CHRNB3: variants seen among roughly 807,000 people sequenced by gnomAD.
The protein encoded by CHRNB3 is cholinergic receptor nicotinic beta 3 subunit.
A neutral mutation model predicts 40.6 loss-of-function variants in CHRNB3; 37 were observed. The ratio of observed to expected loss-of-function variants is 0.91; its 90% confidence interval spans 0.70 to 1.20. The LOEUF (loss-of-function observed/expected upper bound fraction) is 1.20, where lower values mean the gene tolerates loss of function less well. CHRNB3 is among the 50% of genes most tolerant of loss of function. The probability of loss-of-function intolerance (pLI) is 0.00; values close to 1 mark genes in which losing one functional copy is unlikely to be tolerated. For missense variants in CHRNB3, 505 were observed against 551.2 expected, an observed-to-expected ratio of 0.92 and a Z score of 0.84; for synonymous variants, 207 against 207.1, an observed-to-expected ratio of 1.00 and a Z score of 0.00.
chr8:42,727,937 G>C (rs1235819745), intron 3 of CHRNB3, among the ~76,000 whole-genome samples: 2 of 152,084 alleles, frequency 1.3e-5, no homozygotes, highest in Non-Finnish European at 2.9e-5. Context: ...CCTGTGTTAA[G>C]CAAAGATTTC....
chr8:42,716,001 T>C (rs1176494854), intron 3 of CHRNB3, among the ~76,000 whole-genome samples: 2 of 135,168 alleles, frequency 1.5e-5, no homozygotes, highest in African/African-American at 5.4e-5. Flanking sequence ...TTTTTTGAGA[T>C]GGAGTCTTGC....
intron 5 of CHRNB3, among the ~76,000 whole-genome samples, chr8:42,733,592 CTTTTTTTTTTT>C (rs1208342996): frequency 1.3e-4 from 13 of 101,048 alleles, no homozygotes; most frequent in Non-Finnish European, 2.2e-4. Context: ...CATCCTTCTT[CTTTTTTTTTTT>C]TTTTTTTTTT....
intron 5 of CHRNB3, among the ~76,000 whole-genome samples, chr8:42,735,793 G>A (rs117808464): frequency 6.6e-6 from 1 of 152,214 alleles, no homozygotes; most frequent in East Asian, 1.9e-4. Flanking sequence ...CTCCTTGGCA[G>A]CACCCTTCCT....
In CHRNB3 at chr8:42,736,482, A is replaced by C; in HGVS notation, c.1243-2A>C. ...TGAAAGGCATCTTTTTCTCTTTTGC[A>C]GGTAGTACAAGACTGGAAATTTGTA... On this transcript the variant is annotated splice_acceptor_variant, in intron 5 of 5. Transcript: ENST00000289957. LOFTEE classifies it high-confidence loss of function. The C allele has an allele frequency of 6.2e-7, 1 of 1,613,932 alleles. No individual in the cohort carries two copies. Among genetic ancestry groups the C allele is most frequent in the East Asian group, 2.2e-5 (1 of 44,886 alleles).
intron 5 of CHRNB3, among the ~76,000 whole-genome samples, chr8:42,734,124 T>C (rs1032547012): frequency 4.3e-4 from 65 of 149,688 alleles, no homozygotes; most frequent in Middle Eastern, 6.8e-3. Context: ...GGCGTGGTGG[T>C]GGGAGCCTGT....
Position 42,736,934 on chromosome 8 carries a change from G to A in CHRNB3, c.*316G>A, listed in dbSNP as rs974456537. On this transcript the variant is annotated 3_prime_UTR_variant, in exon 6 of 6. Transcript: ENST00000289957. ...CAAAAAGCTGTTGCTACTTGGTGGA[G>A]GAACACCTCCTAGAAGCAGCAGGCC... is the stretch of plus-strand genomic sequence containing the variant. 1 of 261,104 alleles carries A rather than the reference G, an allele frequency of 3.8e-6. No individual in the cohort carries two copies. The highest frequency in any genetic ancestry group is 7.2e-6 in the Non-Finnish European group (1 of 138,856). 16.2% of individuals were successfully genotyped at this position (261,104 alleles called of 1,614,324 possible). A position where few individuals can be genotyped will look rare whatever the true frequency, so the allele number is the denominator to read the frequency against.
chr8:42,720,006 C>T (rs568136795), intron 3 of CHRNB3, among the ~76,000 whole-genome samples: 16 of 151,916 alleles, frequency 1.1e-4, no homozygotes, highest in Admixed American at 6.6e-4. Flanking sequence ...GAAGGCAGCC[C>T]GCATTCATGA....
In CHRNB3 at chr8:42,732,017, C is replaced by A; in HGVS notation, c.710C>A (p.Thr237Asn). The change falls in exon 5 of 6, where the codon ACC becomes AAC. Residue 237 changes from threonine to asparagine, a missense_variant. Coordinates refer to ENST00000289957, the MANE Select transcript of CHRNB3 (RefSeq NM_000749.5). ...FVLRRLPLFYTLFLIIPCLGL... is the reference protein window; with the variant it reads ...FVLRRLPLFYNLFLIIPCLGL... ...CTGAGACGCCTGCCTTTATTCTATA[C>A]CCTCTTTCTCATCATCCCCTGCCTG... 6.2e-7 allele frequency: 1 copy of A among 1,614,050 alleles called. No individual in the cohort carries two copies. The highest frequency in any genetic ancestry group is 1.1e-5 in the South Asian group (1 of 91,062).
chr8:42,712,116 C>T (rs1816026016), intron 3 of CHRNB3, among the ~76,000 whole-genome samples: 1 of 152,096 alleles, frequency 6.6e-6, no homozygotes, highest in South Asian at 2.1e-4. Context: ...CCTCAGCCTC[C>T]CGAGTAGCAG....
At chr8:42,701,866 A>C (rs1278035318) in intron 1 of CHRNB3, among the ~76,000 whole-genome samples, 1 of 152,204 alleles carries the variant, frequency 6.6e-6, no homozygotes. Context: ...CAGTTTGTGG[A>C]TGTTTCATAG....
At chr8:42,718,927 C>A (rs1051961914) in intron 3 of CHRNB3, among the ~76,000 whole-genome samples, 1 of 151,736 alleles carries the variant, frequency 6.6e-6, no homozygotes, top group African/African-American at 2.4e-5. Context: ...CCATTTTTTT[C>A]TTAGTCATAG....
At chr8:42,707,439 G>A (rs2128905071) in intron 1 of CHRNB3, among the ~76,000 whole-genome samples, 1 of 152,324 alleles carries the variant, frequency 6.6e-6, no homozygotes, top group South Asian at 2.1e-4. Flanking sequence ...TATTAATCGG[G>A]TGCTGAACAG....
Position 42,732,258 on chromosome 8 carries a change from C to T in CHRNB3, c.951C>T (p.Val317=), listed in dbSNP as rs906084572. ...VTLSIIVTVF[V]INVHHRSSST... Reference sequence around the variant, plus strand: ...TGTCCATCATTGTTACCGTGTTTGTCATTAACGTTCACCACAGATCTTCTT... The same window carrying T: ...TGTCCATCATTGTTACCGTGTTTGTTATTAACGTTCACCACAGATCTTCTT... The change falls in exon 5 of 6, where the codon GTC becomes GTT. Residue 317 remains valine, a synonymous_variant. Transcript: ENST00000289957. The T allele has an allele frequency of 8.7e-6, 14 of 1,611,736 alleles. No individual in the cohort carries two copies. Among genetic ancestry groups the T allele is most frequent in the Non-Finnish European group, 1.2e-5 (14 of 1,179,294 alleles).
At chr8:42,717,153 C>A (rs993232584) in intron 3 of CHRNB3, among the ~76,000 whole-genome samples, 5 of 148,392 alleles carry the variant, frequency 3.4e-5, no homozygotes, top group Admixed American at 1.3e-4. Flanking sequence ...GCGGGCGGAT[C>A]ACGAGGTCAG....
At chr8:42,705,539 A>G (rs768249254) in intron 1 of CHRNB3, 3 of 152,318 alleles carry the variant, frequency 2.0e-5, no homozygotes, top group East Asian at 3.9e-4. Context: ...TGTTTGATGC[A>G]GCAAGAAGGC....
intron 3 of CHRNB3, among the ~76,000 whole-genome samples, chr8:42,717,117 T>C (rs1018576378): frequency 3.3e-5 from 5 of 149,862 alleles, no homozygotes; most frequent in Non-Finnish European, 7.4e-5. Context: ...CTCACGCCTG[T>C]AATCCCAGCA....
chr8:42,703,435 A>AAAAAAAAATATATATATATATATATATAT, intron 1 of CHRNB3, among the ~76,000 whole-genome samples: 529 of 47,052 alleles, frequency 0.011, 71 homozygotes, highest in Middle Eastern at 0.021. Flanking sequence ...AAAAAAAAAA[A>AAAAAAAAATATATATATATATATATATAT]ATATTTATAT....
intron 5 of CHRNB3, among the ~76,000 whole-genome samples, 169 bp downstream of exon 5, chr8:42,732,718 T>G (rs961945673): frequency 2.0e-5 from 3 of 152,156 alleles, no homozygotes; most frequent in Non-Finnish European, 4.4e-5. Context: ...CATAGCGACA[T>G]TAGTATGAAT....
chr8:42,704,013 C>T (rs77209559), intron 1 of CHRNB3, among the ~76,000 whole-genome samples: 1,721 of 152,280 alleles, frequency 0.011, 38 homozygotes, highest in African/African-American at 0.04. Context: ...GGGATAAAGT[C>T]TGTTTTGGTC....
Sources: allele counts gnomAD v4.1 joint callset (sites outside exome capture counted in the v4.1 genomes callset), GRCh38; gene constraint gnomAD v4.1.1; transcripts MANE v1.5; gene names NCBI Gene and HGNC (gene_info 2026-07-23, HGNC 2026-07-21).